RIMKLB: variants seen among roughly 807,000 people sequenced by gnomAD.
The protein encoded by RIMKLB is ribosomal modification protein rimK like family member B, also known as beta-citrylglutamate synthase B.
A neutral mutation model predicts 32.0 loss-of-function variants in RIMKLB; 7 were observed. The observed-to-expected ratio is 0.22, with a 90% confidence interval of 0.12 to 0.41. The LOEUF (loss-of-function observed/expected upper bound fraction) is 0.41. Among genes scored for constraint, RIMKLB ranks in the 10% least tolerant of loss-of-function variants. The pLI is 1.00. For synonymous variants in RIMKLB, 172 were observed against 185.1 expected (o/e 0.93, Z 0.57); for missense variants, 289 against 498.7 (o/e 0.58, Z 4.00).
chr12:8,734,423 AGTTT>A (rs901081998), intron 2 of RIMKLB, among the ~76,000 whole-genome samples: 8 of 152,182 alleles, frequency 5.3e-5, no homozygotes, highest in African/African-American at 9.7e-5. Flanking sequence ...ACGCTTAGAA[AGTTT>A]GTTTATGTTC....
the RIMKLB span, among the ~76,000 whole-genome samples, chr12:8,670,500 G>T: frequency 1.3e-5 from 2 of 152,304 alleles, no homozygotes; most frequent in African/African-American, 2.4e-5. Flanking sequence ...TTTGACTCCA[G>T]GTCTCCCATC....
intron 1 of RIMKLB, among the ~76,000 whole-genome samples, chr12:8,709,467 G>T (rs985759013): frequency 1.2e-4 from 18 of 152,278 alleles, no homozygotes; most frequent in African/African-American, 4.3e-4. Context: ...GCAGAAGCAG[G>T]CAGGCACGCC....
intron 1 of RIMKLB, among the ~76,000 whole-genome samples, chr12:8,690,734 C>T (rs1942708317): frequency 6.6e-6 from 1 of 152,094 alleles, no homozygotes; most frequent in African/African-American, 2.4e-5. Flanking sequence ...ACCATCCCAG[C>T]CAACATGGTG....
chr12:8,757,514 A>G (rs911561051), intron 5 of RIMKLB, among the ~76,000 whole-genome samples: 1 of 149,978 alleles, frequency 6.7e-6, no homozygotes, highest in African/African-American at 2.5e-5. Context: ...ATTGAGGCTT[A>G]CAAAAAGGTA....
Position 8,776,167 on chromosome 12 carries a change from TCTTAA to T in RIMKLB, c.*2388_*2392del, listed in dbSNP as rs144920337. On this transcript the variant is annotated 3_prime_UTR_variant, in exon 6 of 6. Transcript: ENST00000535829. The stretch of plus-strand genomic sequence containing the variant: ...ATCAGGAAAAATGTAGTTAGTCTTT[TCTTAA>T]CTTATACCAAATTAACCAACTATAT... 57 of 984,556 alleles carry T rather than the reference TCTTAA, an allele frequency of 5.8e-5. No individual in the cohort carries two copies. The East Asian group carries it at 1.7e-3, about 29-fold the overall frequency. 61.0% of individuals were successfully genotyped at this position (984,556 alleles called of 1,614,324 possible).
intron 1 of RIMKLB, among the ~76,000 whole-genome samples, chr12:8,707,479 C>T (rs747005770): frequency 1.4e-4 from 22 of 152,202 alleles, no homozygotes; most frequent in African/African-American, 4.6e-4. Flanking sequence ...GGATCTGCTA[C>T]GTGTTCAGCT....
chr12:8,710,319 T>A (rs929025926), intron 1 of RIMKLB, among the ~76,000 whole-genome samples: 3 of 149,934 alleles, frequency 2.0e-5, no homozygotes, highest in Admixed American at 6.6e-5. Flanking sequence ...TTTTTTTTTT[T>A]TTTTTTTTGA....
At chr12:8,703,581 C>G (rs1456760330) in intron 1 of RIMKLB, among the ~76,000 whole-genome samples, 1 of 152,018 alleles carries the variant, frequency 6.6e-6, no homozygotes, top group Non-Finnish European at 1.5e-5. Context: ...ACTTCAGCCT[C>G]CTAAAGTGTT....
chr12:8,709,134 T>C (rs185880326), intron 1 of RIMKLB, among the ~76,000 whole-genome samples: 1 of 152,354 alleles, frequency 6.6e-6, no homozygotes, highest in East Asian at 1.9e-4. Context: ...TCTTATTGGG[T>C]AACCAAGTTT....
the RIMKLB span, among the ~76,000 whole-genome samples, chr12:8,670,890 C>A: frequency 6.6e-6 from 1 of 152,240 alleles, no homozygotes; most frequent in Non-Finnish European, 1.5e-5. Flanking sequence ...AACCTCAATT[C>A]TTGACTTCTG....
rs1950769999 is a variant in RIMKLB at position 8,777,130 on chromosome 12, G to A, written c.*3346G>A. ...TGTTTGTTTGTTCAATTTTATTTAA[G>A]ATTTGTTTTTGTTGTACTAGGATTT... is the stretch of plus-strand genomic sequence containing the variant. On this transcript the variant is annotated 3_prime_UTR_variant, in exon 6 of 6. Transcript: ENST00000535829. 2.0e-6 allele frequency: 2 copies of A among 981,040 alleles called. No homozygotes were observed. Among genetic ancestry groups the A allele is most frequent in the Non-Finnish European group, 1.2e-6 (1 of 828,752 alleles). The allele number at this position is 981,040 out of a possible 1,614,324, so 60.8% of individuals were successfully genotyped here. A position where few individuals can be genotyped will look rare whatever the true frequency, so the allele number is the denominator to read the frequency against.
chr12:8,775,881 G>A lies in RIMKLB; in HGVS notation c.*2097G>A. ...CTTATCTTGCGCAGGGTAAATGGGG[G>A]ACTCACATACATATATTAATACCTC... On this transcript the variant is annotated 3_prime_UTR_variant, in exon 6 of 6. Transcript: ENST00000535829. 8.1e-6 allele frequency: 8 copies of A among 985,070 alleles called. No homozygotes were observed. Among genetic ancestry groups the A allele is most frequent in the Non-Finnish European group, 9.6e-6 (8 of 829,682 alleles). The allele number at this position is 985,070 out of a possible 1,614,324, so 61.0% of individuals were successfully genotyped here.
At chr12:8,669,649 G>T in the RIMKLB span, among the ~76,000 whole-genome samples, 9,459 of 151,888 alleles carry the variant, frequency 0.062, 943 homozygotes, top group African/African-American at 0.21. Context: ...TCATAGGAAA[G>T]CAGAGAGAAA....
chr12:8,779,843 C>T (rs372397271), downstream of RIMKLB: 18 of 152,312 alleles, frequency 1.2e-4, no homozygotes, highest in East Asian at 2.9e-3. Context: ...CCCAGTTCTA[C>T]AACTGCTATT....
chr12:8,727,821 A>G (rs2137221759), intron 2 of RIMKLB, among the ~76,000 whole-genome samples: 1 of 151,790 alleles, frequency 6.6e-6, no homozygotes, highest in East Asian at 1.9e-4. Context: ...GAACTGCTTG[A>G]ACCCCAGGGG....
intron 2 of RIMKLB, among the ~76,000 whole-genome samples, chr12:8,721,446 A>C (rs1945430636): frequency 6.6e-6 from 1 of 152,230 alleles, no homozygotes; most frequent in African/African-American, 2.4e-5. Context: ...TCGTCATTTC[A>C]ACAATGTTCA....
chr12:8,740,682 A>G (rs1947421659), intron 2 of RIMKLB, among the ~76,000 whole-genome samples: 1 of 152,252 alleles, frequency 6.6e-6, no homozygotes, highest in African/African-American at 2.4e-5. Flanking sequence ...TTTAAAGAGC[A>G]TATGTCTACT....
chr12:8,718,675 G>A (rs1014901322), intron 2 of RIMKLB, among the ~76,000 whole-genome samples: 15 of 106,368 alleles, frequency 1.4e-4, no homozygotes, highest in Admixed American at 5.4e-4. Flanking sequence ...ATATATGTGT[G>A]TGTGTGTGTG....
chr12:8,778,169 G>A (rs1403739529), downstream of RIMKLB, among the ~76,000 whole-genome samples: 1 of 152,028 alleles, frequency 6.6e-6, no homozygotes, highest in East Asian at 1.9e-4. Flanking sequence ...TTGGTGTTCC[G>A]AATACACAGT....
Sources: allele counts gnomAD v4.1 joint callset (sites outside exome capture counted in the v4.1 genomes callset), GRCh38; gene constraint gnomAD v4.1.1; transcripts MANE v1.5; gene names NCBI Gene and HGNC (gene_info 2026-07-23, HGNC 2026-07-21).